The following CLVS1 variants were observed in gnomAD, a reference collection of about 807,000 sequenced individuals.
CLVS1 encodes the protein clavesin 1.
Under a neutral mutation model 33.1 loss-of-function variants are expected in CLVS1, and 10 were observed. The ratio of observed to expected loss-of-function variants is 0.30; its 90% CI spans 0.19 to 0.51. The LOEUF is 0.51. Among genes scored for constraint, CLVS1 ranks in the 20% least tolerant of loss-of-function variants. The pLI is 0.97. For missense variants in CLVS1, 343 were observed against 433.4 expected (o/e 0.79, Z 1.85); for synonymous variants, 163 against 166.1 (o/e 0.98, Z 0.14).
intron 2 of CLVS1, among the ~76,000 whole-genome samples, chr8:61,279,089 G>T (rs1255946692): frequency 1.3e-5 from 2 of 152,192 alleles, no homozygotes; most frequent in Non-Finnish European, 2.9e-5. Context: ...CCTCGCCTTT[G>T]GACTGACTTA....
the CLVS1 span, among the ~76,000 whole-genome samples, chr8:61,039,502 T>C: frequency 1.3e-5 from 2 of 152,296 alleles, no homozygotes; most frequent in South Asian, 2.1e-4. Flanking sequence ...CGGTTAATTG[T>C]TGAATCAAGT....
At chr8:60,999,692 G>A in the CLVS1 span, among the ~76,000 whole-genome samples, 1 of 152,214 alleles carries the variant, frequency 6.6e-6, no homozygotes, top group South Asian at 2.1e-4. Flanking sequence ...GCAAGAGGGA[G>A]CTAGGTGGAG....
At chr8:61,235,050 G>A (rs939372848) in intron 2 of CLVS1, among the ~76,000 whole-genome samples, 2 of 152,158 alleles carry the variant, frequency 1.3e-5, no homozygotes, top group Non-Finnish European at 2.9e-5. Flanking sequence ...GCTCACAGAC[G>A]AACCTAGTAG....
intron 2 of CLVS1, among the ~76,000 whole-genome samples, chr8:61,343,053 A>G (rs920641312): frequency 4.6e-5 from 7 of 152,208 alleles, no homozygotes; most frequent in Non-Finnish European, 8.8e-5. Context: ...TCTACACTCG[A>G]TGGAGACTTC....
At chr8:61,010,916 G>A in the CLVS1 span, among the ~76,000 whole-genome samples, 1 of 152,202 alleles carries the variant, frequency 6.6e-6, no homozygotes, top group Non-Finnish European at 1.5e-5. Context: ...GGGCTTCTGC[G>A]GTGCATCCCT....
the CLVS1 span, among the ~76,000 whole-genome samples, chr8:61,009,798 G>A: frequency 6.6e-6 from 1 of 152,178 alleles, no homozygotes; most frequent in Non-Finnish European, 1.5e-5. Context: ...GTGTTTCAAC[G>A]CTGGCTTGTG....
chr8:61,351,357 A>G lies in CLVS1; in HGVS notation c.456-25248A>G, dbSNP rs147410486. Among the ~76,000 whole-genome samples, 7 of 152,244 alleles carry G rather than the reference A, an allele frequency of 4.6e-5. No individual in the cohort carries two copies. In the East Asian group the frequency reaches 1.4e-3, roughly 29 times the overall value. Reference sequence around the variant, plus strand: ...TGGAGACAAAAATGATAAAGCCACTAGGTTTAAGGACAGATCAATAGAATT... The same window carrying G: ...TGGAGACAAAAATGATAAAGCCACTGGGTTTAAGGACAGATCAATAGAATT... On this transcript the variant is annotated intron_variant, in intron 2 of 5. Transcript: ENST00000325897.
chr8:61,000,388 G>T, the CLVS1 span, among the ~76,000 whole-genome samples: 1 of 152,168 alleles, frequency 6.6e-6, no homozygotes. Flanking sequence ...AAGTTGAGAG[G>T]CAAAGGACAG....
intron 2 of CLVS1, among the ~76,000 whole-genome samples, chr8:61,303,998 G>A (rs77871413): frequency 0.012 from 1,890 of 152,300 alleles, 28 homozygotes; most frequent in Middle Eastern, 0.071. Context: ...GTGAACTACG[G>A]CATGCCCATC....
intron 1 of CLVS1, among the ~76,000 whole-genome samples, chr8:61,071,035 C>T (rs1039070428): frequency 2.0e-5 from 3 of 152,168 alleles, no homozygotes; most frequent in African/African-American, 7.2e-5. Flanking sequence ...CCGCTCTTGA[C>T]CTGTAACTAA....
intron 2 of CLVS1, among the ~76,000 whole-genome samples, chr8:61,322,283 G>A (rs1811220273): frequency 6.6e-6 from 1 of 152,182 alleles, no homozygotes; most frequent in African/African-American, 2.4e-5. Flanking sequence ...ATGTAGAATG[G>A]AAATATGGTA....
intron 2 of CLVS1, among the ~76,000 whole-genome samples, chr8:61,331,491 G>C (rs930561017): frequency 1.4e-5 from 2 of 147,660 alleles, no homozygotes; most frequent in East Asian, 2.0e-4. Flanking sequence ...TTTAACTTTT[G>C]TTATTTGAAT....
intron 2 of CLVS1, among the ~76,000 whole-genome samples, chr8:61,325,933 C>T (rs754893229): frequency 2.0e-5 from 3 of 152,128 alleles, no homozygotes; most frequent in African/African-American, 7.2e-5. Context: ...ATAATGCTTT[C>T]CACTTTCTGC....
the CLVS1 span, among the ~76,000 whole-genome samples, chr8:61,010,996 G>A: frequency 6.6e-6 from 1 of 152,244 alleles, no homozygotes; most frequent in Non-Finnish European, 1.5e-5. Flanking sequence ...TCAGCTAAGA[G>A]TCCCCCGTAT....
At chr8:61,458,170 C>A in intron 4 of CLVS1, 137 bp from the exon 5 acceptor site, 1 of 642,696 alleles carries the variant, frequency 1.6e-6, no homozygotes, top group Non-Finnish European at 2.7e-6. Context: ...GCTACAGTCA[C>A]AAAATCAATG....
At position 61,501,490 on chromosome 8, in the gene CLVS1, A is replaced by ATAGT. The variant is rs1158414457; in HGVS notation, c.*1950_*1953dup. ...GATGATGGCTCAAAAATGACGACTT[A>ATAGT]TAGTTTGAATTTATGTGTATGCAAT... On this transcript the variant is annotated 3_prime_UTR_variant, in exon 6 of 6. Transcript: ENST00000325897. 1 of 151,828 alleles carries ATAGT rather than the reference A, an allele frequency of 6.6e-6. No individual in the cohort carries two copies. Among genetic ancestry groups the ATAGT allele is most frequent in the Non-Finnish European group, 1.5e-5 (1 of 68,030 alleles). The allele number at this position is 151,828 out of a possible 1,614,324, so 9.4% of individuals were successfully genotyped here.
chr8:61,039,424 C>A, the CLVS1 span, among the ~76,000 whole-genome samples: 80 of 152,362 alleles, frequency 5.3e-4, no homozygotes, highest in African/African-American at 1.9e-3. Context: ...CTGTCCAGAG[C>A]ACACAGGCTC....
At chr8:60,969,530 G>A in the CLVS1 span, among the ~76,000 whole-genome samples, 1 of 152,098 alleles carries the variant, frequency 6.6e-6, no homozygotes, top group Non-Finnish European at 1.5e-5. Context: ...AAAAGAAAGG[G>A]GTTATACGTG....
At chr8:61,109,177 C>T (rs998489558) in intron 1 of CLVS1, among the ~76,000 whole-genome samples, 1 of 152,158 alleles carries the variant, frequency 6.6e-6, no homozygotes, top group Non-Finnish European at 1.5e-5. Context: ...CTCGTATCCA[C>T]ATTCTGCTTC....
Sources: allele counts gnomAD v4.1 joint callset (sites outside exome capture counted in the v4.1 genomes callset), GRCh38; gene constraint gnomAD v4.1.1; transcripts MANE v1.5; gene names NCBI Gene and HGNC (gene_info 2026-07-23, HGNC 2026-07-21).